The following PTPN4 variants were observed in gnomAD, a reference collection of about 807,000 sequenced individuals.
PTPN4 encodes the protein tyrosine-protein phosphatase non-receptor type 4.
A neutral mutation model predicts 135.5 loss-of-function variants in PTPN4; 49 were observed. That is an observed-to-expected ratio of 0.36 (90% CI 0.29 to 0.46). The LOEUF (loss-of-function observed/expected upper bound fraction) is 0.46, where lower values mean the gene tolerates loss of function less well. Ranked by LOEUF, PTPN4 falls within the 20% of genes least tolerant of loss-of-function variation. The pLI is 1.00. For missense variants in PTPN4, 860 were observed against 1,101.0 expected (o/e 0.78, Z 3.10); for synonymous variants, 333 against 369.9 (o/e 0.90, Z 1.14).
Position 119,912,272 on chromosome 2 carries a change from G to A in PTPN4, c.765-2907G>A, listed in dbSNP as rs113955518. On this transcript the variant is annotated intron_variant, in intron 10 of 26. Transcript: ENST00000263708. ...GGTCAGTGGTTACGTAGGCGGGATG[G>A]GTTGCTGTGTTGGAGTTCTAGAGGA... 3.9e-5 allele frequency among the ~76,000 whole-genome samples: 6 copies of A among 152,288 alleles called. 1 individual carries two copies. In the South Asian group the frequency reaches 1.2e-3, roughly 32 times the overall value.
At chr2:119,821,709 T>A (rs529890375) in intron 2 of PTPN4, among the ~76,000 whole-genome samples, 1 of 152,360 alleles carries the variant, frequency 6.6e-6, no homozygotes, top group South Asian at 2.1e-4. Context: ...TGAATCACTG[T>A]GAGATGACTT....
At chr2:119,889,017 G>T (rs1215034628) in intron 9 of PTPN4, among the ~76,000 whole-genome samples, 1 of 152,064 alleles carries the variant, frequency 6.6e-6, no homozygotes, top group Non-Finnish European at 1.5e-5. Context: ...CACATTATTG[G>T]TCTCTTCAGG....
chr2:119,961,195 A>C (rs1406373665), intron 23 of PTPN4, among the ~76,000 whole-genome samples: 1 of 144,216 alleles, frequency 6.9e-6, no homozygotes, highest in Non-Finnish European at 1.5e-5. Context: ...ACATTTGTTA[A>C]GGGTCTTGTG....
chr2:119,886,532 G>A (rs1178721468), intron 9 of PTPN4, among the ~76,000 whole-genome samples: 2 of 152,242 alleles, frequency 1.3e-5, no homozygotes, highest in Admixed American at 6.5e-5. Flanking sequence ...TCTATCAAAA[G>A]TTCTTGGAGT....
At chr2:119,785,663 A>G (rs1691033307) in intron 1 of PTPN4, among the ~76,000 whole-genome samples, 1 of 152,152 alleles carries the variant, frequency 6.6e-6, no homozygotes, top group South Asian at 2.1e-4. Flanking sequence ...TAAAAGAATG[A>G]TGCATATAAT....
intron 1 of PTPN4, among the ~76,000 whole-genome samples, chr2:119,768,329 A>G (rs988647680): frequency 1.3e-5 from 2 of 151,832 alleles, no homozygotes; most frequent in Admixed American, 6.6e-5. Context: ...GAAATCATTT[A>G]TTTTTCCAAG....
chr2:119,876,397 A>C (rs1677983736), intron 3 of PTPN4, among the ~76,000 whole-genome samples: 1 of 152,126 alleles, frequency 6.6e-6, no homozygotes, highest in Non-Finnish European at 1.5e-5. Flanking sequence ...TTGCAGATAG[A>C]CTCAGTTGGA....
chr2:119,844,348 GACC>G (rs779144486), intron 2 of PTPN4, among the ~76,000 whole-genome samples: 7 of 8,354 alleles, frequency 8.4e-4, no homozygotes, highest in East Asian at 2.1e-3. Context: ...GCGGGGGGCT[GACC>G]CCCCCCCCCC....
chr2:119,975,451 C>T (rs1391494934), intron 26 of PTPN4, among the ~76,000 whole-genome samples: 1 of 152,134 alleles, frequency 6.6e-6, no homozygotes, highest in Non-Finnish European at 1.5e-5. Context: ...GGGATGGGTG[C>T]GGTGGCTCAC....
At chr2:119,882,691 A>G in intron 8 of PTPN4, 68 bp downstream of exon 8, 1 of 1,270,352 alleles carries the variant, frequency 7.9e-7, no homozygotes, top group African/African-American at 1.5e-5. Context: ...AATGTTTGAA[A>G]TTCTAATATG....
At chr2:119,893,559 T>G (rs1255208752) in intron 9 of PTPN4, among the ~76,000 whole-genome samples, 1 of 152,118 alleles carries the variant, frequency 6.6e-6, no homozygotes, top group African/African-American at 2.4e-5. Flanking sequence ...ATAGTTAAAA[T>G]CATGAGATGA....
chr2:119,779,901 C>T lies in PTPN4; in HGVS notation c.-18+19517C>T, dbSNP rs559264661. The stretch of plus-strand genomic sequence containing the variant: ...TTGGGACCACAGTCACTCACCACCA[C>T]TCCTAGCTAATTTTTTGTATTTTTT... On this transcript the variant is annotated intron_variant, in intron 1 of 26. Transcript: ENST00000263708. Among the ~76,000 whole-genome samples the T allele has an allele frequency of 8.5e-5, 13 of 152,208 alleles. No individual in the cohort carries two copies. In the East Asian group the frequency reaches 2.5e-3, roughly 29 times the overall value.
intron 2 of PTPN4, among the ~76,000 whole-genome samples, chr2:119,823,917 T>C (rs994273716): frequency 2.6e-5 from 4 of 152,208 alleles, no homozygotes; most frequent in African/African-American, 9.6e-5. Context: ...CTGTAAGAAG[T>C]CTGGCTCCCC....
chr2:119,880,371 T>C (rs772910176), intron 5 of PTPN4, among the ~76,000 whole-genome samples: 3 of 152,184 alleles, frequency 2.0e-5, no homozygotes, highest in Admixed American at 1.3e-4. Flanking sequence ...AGGATATGCA[T>C]GACCTTTAAA....
At chr2:119,937,569 C>G (rs1421224410) in intron 15 of PTPN4, among the ~76,000 whole-genome samples, 1 of 152,082 alleles carries the variant, frequency 6.6e-6, no homozygotes, top group Admixed American at 6.5e-5. Context: ...GCAAAATAAG[C>G]TTTTTTTCAC....
At chr2:119,844,352 C>T (rs1473792531) in intron 2 of PTPN4, among the ~76,000 whole-genome samples, 1 of 49,512 alleles carries the variant, frequency 2.0e-5, no homozygotes. Context: ...GGGGCTGACC[C>T]CCCCCCCCCA....
At chr2:119,933,369 T>C (rs142842105) in intron 14 of PTPN4, among the ~76,000 whole-genome samples, 23 of 152,314 alleles carry the variant, frequency 1.5e-4, no homozygotes, top group African/African-American at 4.8e-4. Context: ...CATTAATGTT[T>C]AATAAATTTG....
chr2:119,843,748 G>T (rs1373432953), intron 2 of PTPN4, among the ~76,000 whole-genome samples: 1 of 52,726 alleles, frequency 1.9e-5, no homozygotes, highest in Non-Finnish European at 3.8e-5. Context: ...CGGGCGGGGG[G>T]GCTGACTCCC....
rs1412935740 is a variant in PTPN4, at chr2:119,844,327, C to T, written c.139-18209C>T. 6.7e-4 allele frequency among the ~76,000 whole-genome samples: 78 copies of T among 115,724 alleles called. 2 individuals are homozygous for T. The highest frequency in any genetic ancestry group is 1.1e-3 in the Non-Finnish European group (60 of 55,022). 75.9% of individuals were successfully genotyped at this position (115,724 alleles called of 152,430 possible). ...GGACGGGGCGGCTGGCCGGACGGGG[C>T]GGCTGGCCGGGCGGGGGGCTGACCC... On this transcript the variant is annotated intron_variant, in intron 2 of 26. Coordinates refer to ENST00000263708, the MANE Select transcript of PTPN4 (RefSeq NM_002830.4).
Sources: allele counts gnomAD v4.1 joint callset (sites outside exome capture counted in the v4.1 genomes callset), GRCh38; gene constraint gnomAD v4.1.1; transcripts MANE v1.5; gene names NCBI Gene and HGNC (gene_info 2026-07-23, HGNC 2026-07-21).